Variants in FHDC1 observed in about 807,000 individuals in gnomAD.
The protein encoded by FHDC1 is FH2 domain-containing protein 1.
Under a neutral mutation model 52.6 loss-of-function variants are expected in FHDC1, and 25 were observed. The ratio of observed to expected loss-of-function variants is 0.48; its 90% CI spans 0.35 to 0.66. The LOEUF is 0.66. Ranked by LOEUF, FHDC1 falls within the 30% of genes least tolerant of loss-of-function variation. The probability of loss-of-function intolerance (pLI) is 0.01; values close to 1 mark genes in which losing one functional copy is unlikely to be tolerated. For missense variants in FHDC1, 1,459 were observed against 1,452.8 expected, an observed-to-expected ratio of 1.00 and a Z score of -0.07; for synonymous variants, 616 against 581.5, an observed-to-expected ratio of 1.06 and a Z score of -0.85.
rs1481158131 is a variant in FHDC1, at chr4:152,977,557, C to T, written c.*834C>T. On this transcript the variant is annotated 3_prime_UTR_variant, in exon 12 of 12. Transcript: ENST00000511601. ...TCCCAGACCCAAGTGATCCTCCCACCTCAGCCTCCCTCAGAGCTGGGACTA... is the reference window on the plus strand; with the variant it reads ...TCCCAGACCCAAGTGATCCTCCCACTTCAGCCTCCCTCAGAGCTGGGACTA... 1.3e-5 allele frequency: 2 copies of T among 152,218 alleles called. No homozygotes were observed. Among genetic ancestry groups the T allele is most frequent in the Non-Finnish European group, 2.9e-5 (2 of 68,078 alleles). The allele number at this position is 152,218 out of a possible 1,614,324, so 9.4% of individuals were successfully genotyped here.
At chr4:152,969,463 A>T (rs1740567544) in intron 10 of FHDC1, among the ~76,000 whole-genome samples, 1 of 152,202 alleles carries the variant, frequency 6.6e-6, no homozygotes, top group African/African-American at 2.4e-5. Context: ...AAATCCGGAA[A>T]ATCAAGAATA....
intron 3 of FHDC1, 84 bp downstream of exon 3, chr4:152,953,644 A>G: frequency 1.7e-6 from 2 of 1,156,454 alleles, no homozygotes; most frequent in East Asian, 2.3e-5. Flanking sequence ...GCTGGAATTC[A>G]AATTCCTCAC....
chr4:152,963,216 C>A, intron 8 of FHDC1, 86 bp downstream of exon 8: 2 of 1,206,572 alleles, frequency 1.7e-6, no homozygotes, highest in Non-Finnish European at 1.2e-6. Context: ...AGATGGTGTC[C>A]AGCAGGGTTA....
chr4:152,944,905 T>A (rs1739682470), intron 2 of FHDC1, among the ~76,000 whole-genome samples: 1 of 152,214 alleles, frequency 6.6e-6, no homozygotes, highest in African/African-American at 2.4e-5. Context: ...TTGCCCCAGC[T>A]CCCAACAGAG....
rs77425963 is a variant in FHDC1 at position 152,975,147 on chromosome 4, C to T, written c.1856C>T (p.Ala619Val). 13 of 1,612,828 alleles carry T rather than the reference C, an allele frequency of 8.1e-6. No homozygotes were observed. Among genetic ancestry groups the T allele is most frequent in the African/African-American group, 4.0e-5 (3 of 74,922 alleles). ...EEAPNPPSAQ[A>V]HQLAAAQPEN... ...GCCCCCAACCCACCCTCAGCACAGG[C>T]GCACCAGCTTGCAGCCGCCCAGCCT... The change falls in exon 12 of 12, where the codon GCG becomes GTG. Residue 619 changes from alanine (A) to valine (V), a missense_variant. Coordinates refer to ENST00000511601, the MANE Select transcript of FHDC1 (RefSeq NM_001371116.1).
At chr4:152,954,405 G>A in intron 4 of FHDC1, 86 bp downstream of exon 4, 1 of 1,124,282 alleles carries the variant, frequency 8.9e-7, no homozygotes, top group Non-Finnish European at 1.3e-6. Context: ...TCACATGGAA[G>A]GCCAGGAGCA....
chr4:152,975,896 G>A lies in FHDC1; in HGVS notation c.2605G>A (p.Glu869Lys), dbSNP rs774931149. 2.3e-5 allele frequency: 35 copies of A among 1,514,150 alleles called. No homozygotes were observed. The highest frequency in any genetic ancestry group is 2.8e-5 in the Non-Finnish European group (32 of 1,133,516). 93.8% of individuals were successfully genotyped at this position (1,514,150 alleles called of 1,614,324 possible). ...AGCACCAAAGAGAGGCTCCCTGAAAGAGGCGTCTCCCGGGGCCTCCAAGCC... is the reference window on the plus strand; with the variant it reads ...AGCACCAAAGAGAGGCTCCCTGAAAAAGGCGTCTCCCGGGGCCTCCAAGCC... ...VVAPKRGSLK[E>K]ASPGASKPGS... is the part of the protein sequence containing the mutation. The change falls in exon 12 of 12, where the codon GAG becomes AAG. Residue 869 changes from glutamate to lysine, a missense_variant. Glu to Lys is a moderately conservative substitution (Grantham distance 56, BLOSUM62 1). Around this residue, in one of 3 missense-constraint regions of FHDC1, gnomAD observed 939 missense variants for 854.5 expected, o/e 1.10. Transcript: ENST00000511601.
chr4:152,930,962 A>AACACACACAC, the FHDC1 span, among the ~76,000 whole-genome samples: 2,209 of 104,578 alleles, frequency 0.021, 26 homozygotes, highest in East Asian at 0.032. Flanking sequence ...TCCCCAGGGA[A>AACACACACAC]ACACACACAC....
upstream of FHDC1, among the ~76,000 whole-genome samples, chr4:152,934,113 G>A (rs1007443354): frequency 2.6e-5 from 4 of 152,144 alleles, no homozygotes; most frequent in African/African-American, 9.7e-5. Flanking sequence ...CTGATATGTG[G>A]CCAACAGCAG....
the FHDC1 span, among the ~76,000 whole-genome samples, chr4:152,930,217 C>G: frequency 6.6e-6 from 1 of 152,208 alleles, no homozygotes; most frequent in Non-Finnish European, 1.5e-5. Flanking sequence ...GGAAAACAAG[C>G]AACATTTTAA....
chr4:152,958,387 C>T (rs1034855999), intron 4 of FHDC1, among the ~76,000 whole-genome samples: 2 of 152,162 alleles, frequency 1.3e-5, no homozygotes, highest in African/African-American at 4.8e-5. Flanking sequence ...TGTGAAGATA[C>T]AATAATCCCT....
rs752161834 is a variant in FHDC1 at position 152,975,797 on chromosome 4, G to A, written c.2506G>A (p.Val836Ile). 6 of 1,535,406 alleles carry A rather than the reference G, an allele frequency of 3.9e-6. No individual in the cohort carries two copies. Among genetic ancestry groups the A allele is most frequent in the Non-Finnish European group, 1.8e-6 (2 of 1,142,090 alleles). ...SSPPGEAPAP[V>I]SVDSEPSCKG... ...CCCCCCTGGGGAGGCTCCTGCCCCCGTCTCTGTGGATAGTGAGCCCAGCTG... is the reference window on the plus strand; with the variant it reads ...CCCCCCTGGGGAGGCTCCTGCCCCCATCTCTGTGGATAGTGAGCCCAGCTG... The change falls in exon 12 of 12, where the codon GTC becomes ATC. Residue 836 changes from valine (V) to isoleucine (I), a missense_variant. Physicochemically the swap from Val to Ile is conservative, Grantham distance 29. Around this residue, in one of 3 missense-constraint regions of FHDC1, gnomAD observed 939 missense variants for 854.5 expected, o/e 1.10. Transcript: ENST00000511601.
intron 8 of FHDC1, among the ~76,000 whole-genome samples, chr4:152,963,777 T>TTTTTG: frequency 9.9e-6 from 1 of 101,510 alleles, no homozygotes; most frequent in African/African-American, 4.9e-5. Context: ...TTGTTTTTTT[T>TTTTTG]TTTTTTTTTT....
At chr4:152,931,147 C>T in the FHDC1 span, among the ~76,000 whole-genome samples, 1 of 152,060 alleles carries the variant, frequency 6.6e-6, no homozygotes, top group Non-Finnish European at 1.5e-5. Context: ...AGTTTAAACC[C>T]ATAGCAAAAG....
At chr4:152,954,443 T>G in intron 4 of FHDC1, 124 bp downstream of exon 4, 1 of 675,854 alleles carries the variant, frequency 1.5e-6, no homozygotes, top group East Asian at 3.0e-5. Context: ...TCCCAGCACT[T>G]TGGGAGGCAG....
intron 1 of FHDC1, among the ~76,000 whole-genome samples, chr4:152,938,553 G>T (rs796704198): frequency 1.3e-5 from 2 of 152,264 alleles, no homozygotes; most frequent in African/African-American, 4.8e-5. Flanking sequence ...GTTTAGAATT[G>T]TCCGTACTTT....
the FHDC1 span, among the ~76,000 whole-genome samples, chr4:152,920,815 A>G: frequency 6.6e-5 from 10 of 152,054 alleles, no homozygotes; most frequent in Non-Finnish European, 1.5e-5. Flanking sequence ...AGAAAATTTC[A>G]TTGTTCTACC....
the FHDC1 span, among the ~76,000 whole-genome samples, chr4:152,919,198 C>T: frequency 6.6e-6 from 1 of 152,222 alleles, no homozygotes. Flanking sequence ...ACATTGACTA[C>T]TAACAGCTGT....
the FHDC1 span, among the ~76,000 whole-genome samples, chr4:152,931,020 C>T: frequency 6.6e-6 from 1 of 151,192 alleles, no homozygotes. Flanking sequence ...CTCTCTCTCT[C>T]TCTCTAATAT....
Sources: allele counts gnomAD v4.1 joint callset (sites outside exome capture counted in the v4.1 genomes callset), GRCh38; gene constraint gnomAD v4.1.1; regional missense constraint gnomAD v4.1.1; transcripts MANE v1.5; gene names NCBI Gene and HGNC (gene_info 2026-07-23, HGNC 2026-07-21).